Variants in AUTS2 observed in about 807,000 individuals in gnomAD.
AUTS2 encodes the protein activator of transcription and developmental regulator AUTS2, also known as autism susceptibility gene 2 protein.
Under a neutral mutation model 112.4 loss-of-function variants are expected in AUTS2, and 17 were observed. The observed-to-expected ratio is 0.15, with a 90% CI of 0.10 to 0.23. The LOEUF is 0.23. AUTS2 is among the 10% of genes least tolerant of loss of function. The pLI is 1.00. For synonymous variants in AUTS2, 751 were observed against 702.7 expected (o/e 1.07, Z -1.09); for missense variants, 1,510 against 1,701.6 (o/e 0.89, Z 1.98).
intron 4 of AUTS2, among the ~76,000 whole-genome samples, chr7:70,243,309 T>C (rs1414609091): frequency 6.6e-6 from 1 of 151,002 alleles, no homozygotes; most frequent in African/African-American, 2.4e-5. Flanking sequence ...TATGTATGTA[T>C]ACCAAACACA....
intron 1 of AUTS2, among the ~76,000 whole-genome samples, chr7:69,696,799 T>C (rs925789033): frequency 3.3e-5 from 5 of 152,214 alleles, no homozygotes; most frequent in African/African-American, 9.6e-5. Flanking sequence ...GGTTTGACTT[T>C]TGTATTTTCA....
At chr7:70,039,283 A>G (rs1369458490) in intron 2 of AUTS2, among the ~76,000 whole-genome samples, 1 of 152,136 alleles carries the variant, frequency 6.6e-6, no homozygotes, top group East Asian at 1.9e-4. Context: ...AAATACTGAA[A>G]CAAATTTTTA....
chr7:69,701,185 A>G (rs1423376188), intron 1 of AUTS2, among the ~76,000 whole-genome samples: 1 of 152,234 alleles, frequency 6.6e-6, no homozygotes, highest in African/African-American at 2.4e-5. Context: ...GTGATGAGAC[A>G]TGTAAAGTGC....
chr7:70,615,218 G>A (rs149132553), intron 5 of AUTS2, among the ~76,000 whole-genome samples: 2 of 152,306 alleles, frequency 1.3e-5, no homozygotes, highest in Admixed American at 1.3e-4. Flanking sequence ...TTGGGTGATG[G>A]GGTGGAAGAG....
intron 4 of AUTS2, among the ~76,000 whole-genome samples, chr7:70,360,998 T>C (rs1016983723): frequency 2.0e-5 from 3 of 152,154 alleles, no homozygotes; most frequent in East Asian, 1.9e-4. Flanking sequence ...AAAAAGTGAG[T>C]GTGTAGCAGA....
chr7:70,090,434 G>A (rs1281804351), intron 2 of AUTS2, among the ~76,000 whole-genome samples: 2 of 151,910 alleles, frequency 1.3e-5, no homozygotes, highest in Admixed American at 1.3e-4. Context: ...CACAATCTCA[G>A]CTCACTGCAA....
At chr7:70,774,839 TAAGTATGTCATGA>T (rs1285675652) in intron 12 of AUTS2, 2 of 153,704 alleles carry the variant, frequency 1.3e-5, no homozygotes, top group African/African-American at 4.8e-5. Context: ...CTCAACTATG[TAAGTATGTCATGA>T]TGTATAGTGA....
intron 2 of AUTS2, among the ~76,000 whole-genome samples, chr7:69,978,901 C>CACACACAT (rs1491381480): frequency 7.7e-6 from 1 of 129,110 alleles, no homozygotes; most frequent in Non-Finnish European, 1.7e-5. Context: ...CACACACACA[C>CACACACAT]GCACACACGC....
intron 4 of AUTS2, among the ~76,000 whole-genome samples, chr7:70,299,267 A>G (rs1051832344): frequency 3.3e-5 from 5 of 152,190 alleles, no homozygotes; most frequent in African/African-American, 1.2e-4. Context: ...CATTTAGGTC[A>G]TCTTACCTAC....
At chr7:70,334,909 G>A (rs922826238) in intron 4 of AUTS2, among the ~76,000 whole-genome samples, 6 of 152,100 alleles carry the variant, frequency 3.9e-5, no homozygotes, top group Non-Finnish European at 8.8e-5. Context: ...GCTAGTGTCA[G>A]GGCTGTAAAT....
chr7:70,163,468 C>T (rs938749397), intron 4 of AUTS2, among the ~76,000 whole-genome samples: 2 of 151,594 alleles, frequency 1.3e-5, no homozygotes, highest in African/African-American at 4.8e-5. Flanking sequence ...ATTCCCCAGA[C>T]ACTTCTCAGA....
intron 1 of AUTS2, among the ~76,000 whole-genome samples, chr7:69,793,775 A>T (rs1263047594): frequency 6.6e-6 from 1 of 152,164 alleles, no homozygotes; most frequent in Non-Finnish European, 1.5e-5. Flanking sequence ...AAATTTTTTA[A>T]ATGTTTAAAC....
At chr7:70,768,298 T>C (rs1790065988) in intron 10 of AUTS2, among the ~76,000 whole-genome samples, 1 of 152,152 alleles carries the variant, frequency 6.6e-6, no homozygotes. Context: ...GAAAGCAGAG[T>C]TGCTCTTTAG....
intron 6 of AUTS2, among the ~76,000 whole-genome samples, chr7:70,746,018 A>G (rs1191771152): frequency 8.5e-5 from 13 of 152,368 alleles, no homozygotes; most frequent in Admixed American, 7.2e-4. Context: ...AAAGAAATCA[A>G]CGATTTATCA....
intron 1 of AUTS2, among the ~76,000 whole-genome samples, chr7:69,786,387 C>T (rs547960938): frequency 6.6e-4 from 101 of 152,090 alleles, no homozygotes; most frequent in African/African-American, 2.2e-3. Context: ...GGATTGTAAA[C>T]GCACCAGTCA....
At chr7:70,046,806 A>T (rs192159140) in intron 2 of AUTS2, among the ~76,000 whole-genome samples, 1 of 152,152 alleles carries the variant, frequency 6.6e-6, no homozygotes, top group Non-Finnish European at 1.5e-5. Context: ...TGTGTTTATT[A>T]TGCTCTGATA....
At chr7:69,815,191 A>G (rs1790704320) in intron 1 of AUTS2, among the ~76,000 whole-genome samples, 1 of 152,208 alleles carries the variant, frequency 6.6e-6, no homozygotes, top group Non-Finnish European at 1.5e-5. Context: ...CTCCATAGCT[A>G]GAAAATGGAT....
chr7:69,722,918 CATG>C (rs1799038476), intron 1 of AUTS2, among the ~76,000 whole-genome samples: 1 of 151,466 alleles, frequency 6.6e-6, no homozygotes, highest in Non-Finnish European at 1.5e-5. Flanking sequence ...CAGAGGAAAA[CATG>C]ATCATTTCCA....
chr7:70,659,066 C>T (rs956298585), intron 5 of AUTS2, among the ~76,000 whole-genome samples: 1 of 152,140 alleles, frequency 6.6e-6, no homozygotes, highest in Non-Finnish European at 1.5e-5. Flanking sequence ...TGGCGGGCCA[C>T]GGGGGTTGTT....
Sources: allele counts gnomAD v4.1 joint callset (sites outside exome capture counted in the v4.1 genomes callset), GRCh38; gene constraint gnomAD v4.1.1; transcripts MANE v1.5; gene names NCBI Gene and HGNC (gene_info 2026-07-23, HGNC 2026-07-21).